Variants in CCDC171 observed in about 807,000 individuals in gnomAD.
CCDC171 encodes coiled-coil domain-containing protein 171.
In CCDC171, 177 loss-of-function variants were observed where a neutral mutation model predicts 168.2. The observed-to-expected ratio is 1.05, with a 90% CI of 0.93 to 1.19. The LOEUF (loss-of-function observed/expected upper bound fraction) is 1.19, where lower values mean the gene tolerates loss of function less well. Ranked by LOEUF, CCDC171 falls within the 50% of genes most tolerant of loss-of-function variation. The pLI is 0.00. For missense variants in CCDC171, 1,991 were observed against 1,539.0 expected (o/e 1.29, Z -4.91); for synonymous variants, 687 against 540.8 (o/e 1.27, Z -3.75).
chr9:16,000,329 G>A (rs895198722), intron 3 of CCDC171, among the ~76,000 whole-genome samples: 6 of 151,882 alleles, frequency 4.0e-5, no homozygotes, highest in Non-Finnish European at 8.8e-5. Flanking sequence ...GACTTTTTTT[G>A]CTTGCTGTTT....
At chr9:15,900,472 C>G (rs992447583) in intron 24 of CCDC171, among the ~76,000 whole-genome samples, 8 of 151,952 alleles carry the variant, frequency 5.3e-5, no homozygotes, top group African/African-American at 1.9e-4. Context: ...CAGGTGAGAT[C>G]ACAGCTCCAG....
intron 24 of CCDC171, 157 bp downstream of exon 24, chr9:15,874,820 AC>A (rs1336267504): frequency 2.9e-6 from 2 of 689,154 alleles, no homozygotes; most frequent in Admixed American, 8.4e-5. Flanking sequence ...AGTATACTTT[AC>A]AAAATATTGT....
chr9:15,809,317 G>A (rs556587766), intron 21 of CCDC171, among the ~76,000 whole-genome samples: 20 of 152,246 alleles, frequency 1.3e-4, no homozygotes, highest in African/African-American at 3.1e-4. Context: ...CACTAGCCAC[G>A]TGTGGCTATT....
At chr9:15,700,364 C>G (rs1017145167) in intron 11 of CCDC171, among the ~76,000 whole-genome samples, 3 of 152,226 alleles carry the variant, frequency 2.0e-5, no homozygotes, top group Non-Finnish European at 2.9e-5. Flanking sequence ...CACGCCCACC[C>G]GGAACTCCAG....
At position 15,849,676 on chromosome 9, in the gene CCDC171, G is replaced by A. The variant is rs1000477064; in HGVS notation, c.3468+729G>A. 3.3e-5 allele frequency among the ~76,000 whole-genome samples: 5 copies of A among 151,728 alleles called. 1 individual carries two copies. The South Asian group carries it at 1.0e-3, about 32-fold the overall frequency. The stretch of plus-strand genomic sequence containing the variant: ...ATGTGTTTCTGCTACTGTCTGAAAG[G>A]CAAATTATTAGAAATGCAAACATTA... On this transcript the variant is annotated intron_variant, in intron 23 of 25. Coordinates refer to ENST00000380701, the MANE Select transcript of CCDC171 (RefSeq NM_173550.4).
intron 11 of CCDC171, among the ~76,000 whole-genome samples, chr9:15,702,630 C>G (rs1388032937): frequency 1.3e-5 from 2 of 152,052 alleles, no homozygotes; most frequent in South Asian, 2.1e-4. Flanking sequence ...TGTAAAAGTC[C>G]TAGGTGACAT....
chr9:15,830,328 G>A (rs541691729), intron 21 of CCDC171, among the ~76,000 whole-genome samples: 1 of 152,182 alleles, frequency 6.6e-6, no homozygotes, highest in East Asian at 1.9e-4. Flanking sequence ...AACCAGCAGA[G>A]GTTTCACAAA....
chr9:15,797,153 A>G (rs1290767091), intron 21 of CCDC171, among the ~76,000 whole-genome samples: 2 of 152,090 alleles, frequency 1.3e-5, no homozygotes, highest in Non-Finnish European at 2.9e-5. Flanking sequence ...ATCATCTTCT[A>G]GTGTACTTAG....
At chr9:15,618,690 A>C (rs144282991) in intron 6 of CCDC171, among the ~76,000 whole-genome samples, 3 of 152,148 alleles carry the variant, frequency 2.0e-5, no homozygotes, top group Non-Finnish European at 4.4e-5. Flanking sequence ...GCAAAAATCC[A>C]TGGGAAAAGC....
At chr9:15,682,939 C>A (rs76555655) in intron 10 of CCDC171, among the ~76,000 whole-genome samples, 2,246 of 152,086 alleles carry the variant, frequency 0.015, 66 homozygotes, top group African/African-American at 0.051. Flanking sequence ...TGAGGCTCAA[C>A]AGATCCAGCT....
rs1452771624 is a variant in CCDC171, at chr9:15,816,153, CG to C, written c.3268-30548del. Among the ~76,000 whole-genome samples the C allele has an allele frequency of 1.7e-5, 2 of 116,998 alleles. 1 individual carries two copies. Among genetic ancestry groups the C allele is most frequent in the African/African-American group, 6.4e-5 (2 of 31,496 alleles). The allele number at this position is 116,998 out of a possible 152,430, so 76.8% of individuals were successfully genotyped here. On this transcript the variant is annotated intron_variant, in intron 21 of 25. Transcript: ENST00000380701. ...ATGTTCTCATACATAATTTTAAAAA[CG>C]TTTTTTCATGTTCAAATTTGTCCTC...
chr9:15,656,333 A>C (rs1380761603), intron 7 of CCDC171, among the ~76,000 whole-genome samples: 3 of 152,094 alleles, frequency 2.0e-5, no homozygotes, highest in East Asian at 1.9e-4. Context: ...AAAAAAAAAA[A>C]AAACAAATCA....
chr9:15,708,106 C>A (rs1428475248), intron 11 of CCDC171, among the ~76,000 whole-genome samples: 1 of 152,136 alleles, frequency 6.6e-6, no homozygotes, highest in Admixed American at 6.5e-5. Flanking sequence ...TCTTGGCCTC[C>A]CAAAGTGTTG....
intron 7 of CCDC171, among the ~76,000 whole-genome samples, chr9:15,625,490 T>A (rs1353384664): frequency 6.6e-6 from 1 of 152,228 alleles, no homozygotes; most frequent in Admixed American, 6.5e-5. Context: ...AATTAATTTT[T>A]GTATAAGGTG....
At chr9:15,873,131 C>T (rs1001229970) in intron 23 of CCDC171, among the ~76,000 whole-genome samples, 2 of 151,938 alleles carry the variant, frequency 1.3e-5, no homozygotes, top group East Asian at 3.9e-4. Flanking sequence ...CAGCTTGGGA[C>T]ATATAAGGAT....
chr9:15,582,942 AAAG>A (rs1195402849), intron 4 of CCDC171, among the ~76,000 whole-genome samples: 9 of 151,946 alleles, frequency 5.9e-5, no homozygotes, highest in Admixed American at 2.0e-4. Flanking sequence ...AAAAAAAAAA[AAAG>A]AACCAAAAGT....
chr9:15,810,798 C>T (rs1232989518), intron 21 of CCDC171, among the ~76,000 whole-genome samples: 2 of 152,214 alleles, frequency 1.3e-5, no homozygotes, highest in African/African-American at 4.8e-5. Flanking sequence ...TGACACCTCC[C>T]ACAAGGAGAG....
At chr9:15,722,517 G>C (rs961669213) in intron 12 of CCDC171, among the ~76,000 whole-genome samples, 4 of 152,170 alleles carry the variant, frequency 2.6e-5, no homozygotes, top group Non-Finnish European at 5.9e-5. Flanking sequence ...AAGAATTGAA[G>C]AGTTTGTCTA....
intron 20 of CCDC171, among the ~76,000 whole-genome samples, chr9:15,780,777 A>G (rs946320099): frequency 1.3e-5 from 2 of 152,204 alleles, no homozygotes; most frequent in Admixed American, 6.5e-5. Flanking sequence ...TCATTTAATT[A>G]TTAATTTCAT....
Sources: allele counts gnomAD v4.1 joint callset (sites outside exome capture counted in the v4.1 genomes callset), GRCh38; gene constraint gnomAD v4.1.1; transcripts MANE v1.5; gene names NCBI Gene and HGNC (gene_info 2026-07-23, HGNC 2026-07-21).